Variants in EIF3L observed in about 807,000 individuals in gnomAD.
EIF3L encodes eIEF associated protein HSPC021.
A neutral mutation model predicts 74.6 loss-of-function variants in EIF3L; 32 were observed. The observed-to-expected ratio is 0.43, with a 90% CI of 0.32 to 0.58. The LOEUF (loss-of-function observed/expected upper bound fraction) is 0.58. Among genes scored for constraint, EIF3L ranks in the 20% least tolerant of loss-of-function variants. The pLI is 0.06. For synonymous variants in EIF3L, 256 were observed against 254.4 expected, an observed-to-expected ratio of 1.01 and a Z score of -0.06; for missense variants, 474 against 707.8, an observed-to-expected ratio of 0.67 and a Z score of 3.75.
At chr22:37,858,390 A>G (rs1043185025) in intron 4 of EIF3L, among the ~76,000 whole-genome samples, 2 of 151,342 alleles carry the variant, frequency 1.3e-5, no homozygotes, top group African/African-American at 4.9e-5. Flanking sequence ...ACGCTTGTCT[A>G]ATTACTCTTG....
At chr22:37,851,723 T>C (rs1196335948) in intron 3 of EIF3L, among the ~76,000 whole-genome samples, 1 of 152,196 alleles carries the variant, frequency 6.6e-6, no homozygotes, top group African/African-American at 2.4e-5. Flanking sequence ...TGGAGTGCAG[T>C]GGCAAGATCT....
At position 37,888,920 on chromosome 22, in the gene EIF3L, A is replaced by G. The variant is rs1927455455; in HGVS notation, c.*456A>G. 1 of 159,416 alleles carries G rather than the reference A, an allele frequency of 6.3e-6. No homozygotes were observed. The highest frequency in any genetic ancestry group is 1.4e-5 in the Non-Finnish European group (1 of 73,222). The allele number at this position is 159,416 out of a possible 1,614,324, so 9.9% of individuals were successfully genotyped here. On this transcript the variant is annotated 3_prime_UTR_variant, in exon 13 of 13. Coordinates refer to ENST00000652021, the MANE Select transcript of EIF3L (RefSeq NM_016091.4). The stretch of plus-strand genomic sequence containing the variant: ...ACACTCAGCTAATTTTTGTATTCTC[A>G]GTAGAGATGGGTTTTACCATGTTGG...
intron 3 of EIF3L, among the ~76,000 whole-genome samples, chr22:37,853,634 C>T (rs1029234407): frequency 1.3e-5 from 2 of 152,066 alleles, no homozygotes; most frequent in African/African-American, 4.8e-5. Context: ...ACCTGATGTT[C>T]AATAGAAATG....
intron 3 of EIF3L, 75 bp downstream of exon 3, chr22:37,851,565 A>T: frequency 4.8e-6 from 3 of 631,402 alleles, no homozygotes; most frequent in Non-Finnish European, 2.5e-6. Context: ...AAATGAGGTG[A>T]GCACTCTGTA....
Position 37,858,667 on chromosome 22 carries a change from C to T in EIF3L, c.374-12C>T, listed in dbSNP as rs1299415410. 6.2e-7 allele frequency: 1 copy of T among 1,609,706 alleles called. No individual in the cohort carries two copies. Among genetic ancestry groups the T allele is most frequent in the African/African-American group, 1.3e-5 (1 of 74,674 alleles). On this transcript the variant is annotated splice_polypyrimidine_tract_variant and intron_variant, in intron 4 of 12. Transcript: ENST00000652021. ...TATGGTTAGTGAAGCACCCTTCTGC[C>T]ATCTCTTTCAGATGCTGTCTTCCTG...
intron 11 of EIF3L, chr22:37,878,484 A>G (rs1486942396): frequency 1.0e-5 from 2 of 197,756 alleles, no homozygotes; most frequent in African/African-American, 4.8e-5. Context: ...TTTTTTTGAG[A>G]TGGAATTTCG....
intron 7 of EIF3L, among the ~76,000 whole-genome samples, chr22:37,866,784 T>C (rs933739660): frequency 1.3e-5 from 2 of 151,800 alleles, no homozygotes; most frequent in Non-Finnish European, 2.9e-5. Context: ...AGACTCTGTC[T>C]CAAAAAAAAC....
chr22:37,851,839 T>G (rs1233470325), intron 3 of EIF3L, among the ~76,000 whole-genome samples: 4 of 152,120 alleles, frequency 2.6e-5, no homozygotes. Flanking sequence ...TTAATTTTTT[T>G]GTATTTTTAG....
chr22:37,864,004 G>T (rs899234399), intron 7 of EIF3L, among the ~76,000 whole-genome samples: 8 of 151,984 alleles, frequency 5.3e-5, no homozygotes, highest in African/African-American at 1.9e-4. Flanking sequence ...GGCGGAGCTT[G>T]CAGTGAGCCA....
chr22:37,877,442 C>CA, intron 10 of EIF3L: 1 of 531,890 alleles, frequency 1.9e-6, no homozygotes, highest in Non-Finnish European at 3.3e-6. Context: ...GAGACTAAGA[C>CA]AGAGGTGCCA....
In EIF3L at chr22:37,884,147, G is replaced by A. The variant is rs116451232; in HGVS notation, c.1576-2618G>A. The A allele has an allele frequency of 1.2e-3, 189 of 152,178 alleles. 3 individuals are homozygous for A. The highest frequency in any genetic ancestry group is 4.4e-3 in the African/African-American group (182 of 41,520). The allele number at this position is 152,178 out of a possible 1,614,324, so 9.4% of individuals were successfully genotyped here. A position where few individuals can be genotyped will look rare whatever the true frequency, so the allele number is the denominator to read the frequency against. On this transcript the variant is annotated intron_variant, in intron 11 of 12. Transcript: ENST00000652021. ...TCTGCATTTGACATTTCAGATAAAT[G>A]GAATCATGTAATATATGGACTTTTG...
chr22:37,849,627 C>T (rs1037690927), intron 1 of EIF3L, 145 bp downstream of exon 1: 1 of 917,840 alleles, frequency 1.1e-6, no homozygotes, highest in South Asian at 1.6e-5. Context: ...TCCCACAGTT[C>T]CCGGTCCCTA....
At chr22:37,871,522 C>CAT (rs1926468454) in intron 8 of EIF3L, among the ~76,000 whole-genome samples, 1 of 152,086 alleles carries the variant, frequency 6.6e-6, no homozygotes, top group Non-Finnish European at 1.5e-5. Flanking sequence ...GTGTATAAGA[C>CAT]ATATATGAAA....
intron 4 of EIF3L, among the ~76,000 whole-genome samples, chr22:37,857,225 G>A (rs1429807681): frequency 6.6e-6 from 1 of 151,608 alleles, no homozygotes; most frequent in African/African-American, 2.4e-5. Context: ...ATCTGGGCAG[G>A]CCGGCATGGT....
chr22:37,861,422 A>G (rs1270275534), intron 5 of EIF3L, among the ~76,000 whole-genome samples: 1 of 152,186 alleles, frequency 6.6e-6, no homozygotes, highest in Admixed American at 6.5e-5. Flanking sequence ...GCTGTGGCTT[A>G]CGCCTGTAAT....
intron 8 of EIF3L, among the ~76,000 whole-genome samples, chr22:37,874,127 T>C (rs960604076): frequency 6.6e-6 from 1 of 152,090 alleles, no homozygotes; most frequent in Non-Finnish European, 1.5e-5. Context: ...TTTGCATGTG[T>C]TGGGACCAAA....
chr22:37,858,596 T>C, intron 4 of EIF3L, 83 bp from the exon 5 acceptor site: 2 of 1,244,040 alleles, frequency 1.6e-6, no homozygotes, highest in East Asian at 2.3e-5. Context: ...GAATTACCTT[T>C]ATTCCTCCCC....
chr22:37,851,581 TA>T, intron 3 of EIF3L, 91 bp downstream of exon 3: 1 of 366,058 alleles, frequency 2.7e-6, no homozygotes, highest in Non-Finnish European at 5.1e-6. Context: ...CTGTAAACAG[TA>T]CTTTCGGGGG....
At position 37,878,494 on chromosome 22, in the gene EIF3L, G is replaced by A. The variant is rs143158175; in HGVS notation, c.1575+323G>A. On this transcript the variant is annotated intron_variant, in intron 11 of 12. Transcript: ENST00000652021. ...GGTTTTTTTTTTGAGATGGAATTTCGCTCTCGTTGCCCAGGCTAGAATGTG... is the reference window on the plus strand; with the variant it reads ...GGTTTTTTTTTTGAGATGGAATTTCACTCTCGTTGCCCAGGCTAGAATGTG... The A allele has an allele frequency of 1.6e-3, 304 of 185,246 alleles. 1 individual carries two copies. The highest frequency in any genetic ancestry group is 6.7e-3 in the African/African-American group (279 of 41,528). The allele number at this position is 185,246 out of a possible 1,614,324, so 11.5% of individuals were successfully genotyped here.
Sources: gnomAD v4.1 joint callset for allele counts (sites outside exome capture counted in the v4.1 genomes callset) on GRCh38, gnomAD v4.1.1 for gene constraint, MANE v1.5 for transcripts, NCBI Gene and HGNC (gene_info 2026-07-23, HGNC 2026-07-21) for gene names.